Variants in SBF2 observed in about 807,000 individuals in gnomAD.
The protein encoded by SBF2 is myotubularin-related protein 13.
In SBF2, 112 loss-of-function variants were observed where a neutral mutation model predicts 225.2. The ratio of observed to expected loss-of-function variants is 0.50; its 90% confidence interval spans 0.43 to 0.58. The LOEUF (loss-of-function observed/expected upper bound fraction) is 0.58, where lower values mean the gene tolerates loss of function less well. Ranked by LOEUF, SBF2 falls within the 20% of genes least tolerant of loss-of-function variation. The pLI, the probability that SBF2 is intolerant of heterozygous loss-of-function variation, is 0.00. For synonymous variants in SBF2, 763 were observed against 773.3 expected, an observed-to-expected ratio of 0.99 and a Z score of 0.22; for missense variants, 1,996 against 2,206.2, an observed-to-expected ratio of 0.90 and a Z score of 1.91.
chr11:10,183,793 C>T (rs566951865), intron 2 of SBF2, among the ~76,000 whole-genome samples: 2 of 151,990 alleles, frequency 1.3e-5, no homozygotes, highest in Non-Finnish European at 2.9e-5. Flanking sequence ...AAAATTTGAG[C>T]TCATAGAAGC....
At chr11:10,288,210 GC>G (rs1963926464) in intron 1 of SBF2, among the ~76,000 whole-genome samples, 1 of 152,224 alleles carries the variant, frequency 6.6e-6, no homozygotes, top group Non-Finnish European at 1.5e-5. Context: ...GCATGTTTCA[GC>G]TCTGCTTGTG....
intron 19 of SBF2, among the ~76,000 whole-genome samples, chr11:9,856,009 T>C (rs1332302230): frequency 2.0e-5 from 3 of 152,190 alleles, no homozygotes; most frequent in Non-Finnish European, 4.4e-5. Flanking sequence ...TTGCAGGCCA[T>C]GGTAAACACT....
At chr11:9,886,687 AG>A (rs1191152604) in intron 17 of SBF2, among the ~76,000 whole-genome samples, 1 of 119,056 alleles carries the variant, frequency 8.4e-6, no homozygotes, top group Non-Finnish European at 1.7e-5. Flanking sequence ...ATTCCCAGTA[AG>A]TGATTCATGT....
At chr11:10,144,775 A>T (rs1206959044) in intron 2 of SBF2, among the ~76,000 whole-genome samples, 8 of 152,244 alleles carry the variant, frequency 5.3e-5, no homozygotes, top group African/African-American at 1.7e-4. Flanking sequence ...GAAGAAGTTT[A>T]GACCTATTAA....
At chr11:10,013,552 T>TG (rs1255783819) in intron 6 of SBF2, among the ~76,000 whole-genome samples, 1 of 152,242 alleles carries the variant, frequency 6.6e-6, no homozygotes, top group African/African-American at 2.4e-5. Context: ...ACTGGTTCTT[T>TG]GGGGGAAAGG....
intron 2 of SBF2, among the ~76,000 whole-genome samples, chr11:10,059,130 C>G (rs1005627896): frequency 2.6e-5 from 4 of 152,086 alleles, no homozygotes; most frequent in African/African-American, 9.7e-5. Flanking sequence ...GCTAACAGTA[C>G]AATGACAGGA....
intron 16 of SBF2, among the ~76,000 whole-genome samples, chr11:9,901,432 C>T (rs1373736887): frequency 1.3e-5 from 2 of 152,080 alleles, no homozygotes. Flanking sequence ...GGGATCCCAG[C>T]GAAACCTGAA....
intron 36 of SBF2, 66 bp from the exon 37 acceptor site, chr11:9,785,384 CATTTACAAAT>C (rs1852305903): frequency 3.2e-6 from 4 of 1,257,550 alleles, no homozygotes; most frequent in Non-Finnish European, 4.7e-6. Flanking sequence ...TGGAAAATTT[CATTTACAAAT>C]ATTTATCTCA....
At chr11:10,123,518 T>G (rs1439221015) in intron 2 of SBF2, among the ~76,000 whole-genome samples, 1 of 152,120 alleles carries the variant, frequency 6.6e-6, no homozygotes, top group Admixed American at 6.5e-5. Context: ...TTTTTAAAAT[T>G]CTTTTTAAAA....
At chr11:10,047,073 G>T (rs887710893) in intron 2 of SBF2, among the ~76,000 whole-genome samples, 1 of 151,968 alleles carries the variant, frequency 6.6e-6, no homozygotes, top group African/African-American at 2.4e-5. Context: ...AACAAGATAC[G>T]CAAAAGATCT....
At chr11:9,944,171 T>C (rs894561500) in intron 16 of SBF2, among the ~76,000 whole-genome samples, 2 of 152,210 alleles carry the variant, frequency 1.3e-5, no homozygotes, top group Non-Finnish European at 2.9e-5. Context: ...TGAATTATAT[T>C]TTAAGAGTAC....
At chr11:10,241,616 A>G (rs1393302480) in intron 1 of SBF2, among the ~76,000 whole-genome samples, 1 of 152,144 alleles carries the variant, frequency 6.6e-6, no homozygotes, top group Non-Finnish European at 1.5e-5. Flanking sequence ...ACTGACTTCA[A>G]AAAGATAAAA....
intron 16 of SBF2, among the ~76,000 whole-genome samples, chr11:9,899,347 A>AC (rs1420460574): frequency 6.6e-6 from 1 of 150,808 alleles, no homozygotes; most frequent in Admixed American, 6.6e-5. Context: ...TTAAAAAAAA[A>AC]AAAAAAACTG....
intron 14 of SBF2, among the ~76,000 whole-genome samples, chr11:9,964,438 A>G (rs1307700753): frequency 6.6e-6 from 1 of 152,252 alleles, no homozygotes; most frequent in East Asian, 1.9e-4. Context: ...ACTAATTCAC[A>G]TTGCAAAGTA....
intron 16 of SBF2, among the ~76,000 whole-genome samples, chr11:9,922,957 G>A: frequency 6.6e-6 from 1 of 152,110 alleles, no homozygotes; most frequent in Non-Finnish European, 1.5e-5. Flanking sequence ...TGCCCACTAG[G>A]AAACTTTCTC....
intron 2 of SBF2, among the ~76,000 whole-genome samples, chr11:10,193,248 A>AT (rs1190653150): frequency 1.2e-4 from 18 of 151,932 alleles, no homozygotes; most frequent in African/African-American, 2.7e-4. Flanking sequence ...CAGGAAAAAA[A>AT]AAATATATAT....
chr11:9,952,901 G>C (rs1457941258), intron 16 of SBF2, among the ~76,000 whole-genome samples: 1 of 152,002 alleles, frequency 6.6e-6, no homozygotes, highest in Admixed American at 6.6e-5. Flanking sequence ...GTGTGGATGC[G>C]GTGAACAGGG....
chr11:10,144,413 G>A (rs758866173), intron 2 of SBF2, among the ~76,000 whole-genome samples: 3 of 152,070 alleles, frequency 2.0e-5, no homozygotes, highest in Non-Finnish European at 4.4e-5. Context: ...GCTTGAGCCC[G>A]AAAGGTGGAG....
intron 2 of SBF2, among the ~76,000 whole-genome samples, chr11:10,147,675 T>C (rs944455163): frequency 1.3e-5 from 2 of 152,060 alleles, no homozygotes; most frequent in African/African-American, 4.8e-5. Context: ...GTGACATAAA[T>C]TTACCTATAT....
Sources: gnomAD v4.1 joint callset for allele counts (sites outside exome capture counted in the v4.1 genomes callset) on GRCh38, gnomAD v4.1.1 for gene constraint, MANE v1.5 for transcripts, NCBI Gene and HGNC (gene_info 2026-07-23, HGNC 2026-07-21) for gene names.